IGLL5: variants seen among roughly 807,000 people sequenced by gnomAD.
IGLL5 encodes immunoglobulin lambda-like polypeptide 5.
Under a neutral mutation model 20.9 loss-of-function variants are expected in IGLL5, and 30 were observed. The observed-to-expected ratio is 1.44, with a 90% confidence interval of 1.07 to 1.95. IGLL5 has a LOEUF of 1.95. Among genes scored for constraint, IGLL5 ranks in the 30% most tolerant of loss-of-function variants. IGLL5 has a pLI of 0.00. For synonymous variants in IGLL5, 203 were observed against 117.3 expected (o/e 1.73, Z -4.72); for missense variants, 475 against 270.7 (o/e 1.75, Z -5.30).
Position 22,893,956 on chromosome 22 carries a change from A to C in IGLL5, c.325+138A>C, listed in dbSNP as rs1601622154. ...CCTTACCTTTCTCCATGGGGCCTGG[A>C]GGAGGTGCATTAGTCTCCGGGTAAC... On this transcript the variant is annotated intron_variant, in intron 2 of 2. Transcript: ENST00000526893. 7 of 713,482 alleles carry C rather than the reference A, an allele frequency of 9.8e-6. 1 individual carries two copies. The highest frequency in any genetic ancestry group is 4.1e-5 in the Admixed American group (2 of 48,194). 44.2% of individuals were successfully genotyped at this position (713,482 alleles called of 1,614,324 possible). A position where few individuals can be genotyped will look rare whatever the true frequency, so the allele number is the denominator to read the frequency against.
intron 1 of IGLL5, among the ~76,000 whole-genome samples, chr22:22,888,926 T>A (rs2067665262): frequency 1.3e-5 from 2 of 151,234 alleles, no homozygotes; most frequent in East Asian, 2.0e-4. Context: ...TGGCTGGTGA[T>A]GGGTGCCCCC....
chr22:22,890,583 GTGTGTGTGTGTGTGTGTA>G (rs1201070201), intron 1 of IGLL5, among the ~76,000 whole-genome samples: 4 of 144,020 alleles, frequency 2.8e-5, no homozygotes, highest in African/African-American at 1.1e-4. Flanking sequence ...GTGTGTGTGT[GTGTGTGTGTGTGTGTGTA>G]TGTGTACAAA....
chr22:22,888,980 G>T (rs533529274), intron 1 of IGLL5, among the ~76,000 whole-genome samples: 6 of 151,394 alleles, frequency 4.0e-5, no homozygotes, highest in South Asian at 2.1e-4. Flanking sequence ...ACAGGATGAG[G>T]CTGGGAGCTC....
chr22:22,891,328 T>G (rs34157530), intron 1 of IGLL5, among the ~76,000 whole-genome samples: 1 of 151,342 alleles, frequency 6.6e-6, no homozygotes, highest in East Asian at 2.0e-4. Flanking sequence ...ATTTGTTGAA[T>G]ATAAATGCAA....
intron 2 of IGLL5, among the ~76,000 whole-genome samples, chr22:22,894,167 C>G (rs538259765): frequency 1.3e-5 from 2 of 151,494 alleles, no homozygotes; most frequent in African/African-American, 2.4e-5. Flanking sequence ...CTCCTGGGGT[C>G]AAGGACAGAG....
intron 1 of IGLL5, among the ~76,000 whole-genome samples, 190 bp downstream of exon 1, chr22:22,888,449 T>G (rs557386994): frequency 2.0e-5 from 3 of 151,486 alleles, no homozygotes; most frequent in East Asian, 2.0e-4. Context: ...GTTTTTAATA[T>G]CATATTACGA....
Position 22,888,016 on chromosome 22 carries a change from G to T in IGLL5, c.-38G>T. ...CACCGTCCTCCAGGGAGCCCATGCT[G>T]CAAGTCGGGCCAGAGGTGCCCCTGA... On this transcript the variant is annotated 5_prime_UTR_variant, in exon 1 of 3. Transcript: ENST00000526893. The T allele has an allele frequency of 1.3e-6, 2 of 1,515,394 alleles. No homozygotes were observed. The highest frequency in any genetic ancestry group is 2.0e-5 in the Admixed American group (1 of 50,774). The allele number at this position is 1,515,394 out of a possible 1,614,324, so 93.9% of individuals were successfully genotyped here. A position where few individuals can be genotyped will look rare whatever the true frequency, so the allele number is the denominator to read the frequency against.
chr22:22,890,251 C>T (rs2067786890), intron 1 of IGLL5, among the ~76,000 whole-genome samples: 1 of 148,906 alleles, frequency 6.7e-6, no homozygotes, highest in Admixed American at 6.7e-5. Flanking sequence ...CCAGAGATAG[C>T]CACTGTCAGG....
At chr22:22,889,702 C>A (rs2067745965) in intron 1 of IGLL5, among the ~76,000 whole-genome samples, 1 of 151,288 alleles carries the variant, frequency 6.6e-6, no homozygotes, top group Admixed American at 6.6e-5. Context: ...ATCCTCCAGC[C>A]TCAGCCTCCT....
At chr22:22,889,434 T>G (rs73880717) in intron 1 of IGLL5, among the ~76,000 whole-genome samples, 1 of 151,260 alleles carries the variant, frequency 6.6e-6, no homozygotes, top group Admixed American at 6.6e-5. Context: ...TTCTAGGAAT[T>G]TATCCTAAGG....
chr22:22,889,542 A>G (rs540769342), intron 1 of IGLL5, among the ~76,000 whole-genome samples: 6 of 151,292 alleles, frequency 4.0e-5, no homozygotes, highest in South Asian at 2.1e-4. Flanking sequence ...AAAAAATCCA[A>G]ATATCTACCA....
intron 2 of IGLL5, among the ~76,000 whole-genome samples, chr22:22,894,466 G>C (rs5759507): frequency 1.3e-5 from 2 of 151,440 alleles, no homozygotes; most frequent in South Asian, 2.1e-4. Flanking sequence ...ACAGTCACCA[G>C]AAAGGAGACA....
intron 1 of IGLL5, among the ~76,000 whole-genome samples, chr22:22,888,899 C>T (rs530205376): frequency 6.6e-6 from 1 of 151,358 alleles, no homozygotes; most frequent in African/African-American, 2.4e-5. Flanking sequence ...AGGCTGGTCT[C>T]ACAGATCGAG....
At chr22:22,894,038 GAGCTGGGATTGGGCAGGGTCAGGGCT>G in intron 2 of IGLL5, among the ~76,000 whole-genome samples, 1 of 151,524 alleles carries the variant, frequency 6.6e-6, no homozygotes, top group African/African-American at 2.4e-5. Flanking sequence ...CCCGGGGCCT[GAGCTGGGATTGGGCAGGGTCAGGGCT>G]CCTCCTCTCT....
In IGLL5 at chr22:22,893,729, C is replaced by T. The variant is rs754609360; in HGVS notation, c.236C>T (p.Ala79Val). Residue 79 changes from alanine to valine, a missense_variant, in exon 2 of 3, where the codon GCA becomes GTA. Physicochemically the swap from Ala to Val is moderately conservative, Grantham distance 64. Transcript: ENST00000526893. ...CTGCTCCAGCCCAGCCCCCAGAGAGCAGACCCCAGGTGCTGGCCCCGGGGG... is the reference window on the plus strand; with the variant it reads ...CTGCTCCAGCCCAGCCCCCAGAGAGTAGACCCCAGGTGCTGGCCCCGGGGG... ...RLLLQPSPQR[A>V]DPRCWPRGFW... 13 of 1,608,552 alleles carry T rather than the reference C, an allele frequency of 8.1e-6. No homozygotes were observed. The highest frequency in any genetic ancestry group is 1.3e-5 in the African/African-American group (1 of 74,344).
In IGLL5 at chr22:22,895,376, T is replaced by C. The variant is rs1365070799; in HGVS notation, c.327T>C (p.Gly109=). The C allele has an allele frequency of 2.5e-6, 4 of 1,612,610 alleles. No homozygotes were observed. Among genetic ancestry groups the C allele is most frequent in the Middle Eastern group, 1.7e-4 (1 of 5,968 alleles). ...FGTGTKVTVL[G]QPKANPTVTL... ...TCACCCCCTTCCCTGTCCACACAGG[T>C]CAGCCCAAGGCCAACCCCACTGTCA... is the stretch of plus-strand genomic sequence containing the variant. Residue 109 remains glycine, a splice_region_variant and synonymous_variant, in exon 3 of 3, where the codon GGT becomes GGC. Coordinates refer to ENST00000526893, the MANE Select transcript of IGLL5 (RefSeq NM_001178126.2).
chr22:22,895,016 G>T (rs538301719), intron 2 of IGLL5, among the ~76,000 whole-genome samples: 1 of 151,362 alleles, frequency 6.6e-6, no homozygotes, highest in East Asian at 2.0e-4. Flanking sequence ...ATGGAGGGGG[G>T]TATAGGGATG....
At chr22:22,888,739 C>A (rs147912299) in intron 1 of IGLL5, among the ~76,000 whole-genome samples, 1 of 151,282 alleles carries the variant, frequency 6.6e-6, no homozygotes, top group Admixed American at 6.6e-5. Context: ...GTCTGTTCAC[C>A]AACTTGCACA....
chr22:22,888,967 AG>A (rs541421348), intron 1 of IGLL5, among the ~76,000 whole-genome samples: 1 of 151,356 alleles, frequency 6.6e-6, no homozygotes, highest in African/African-American at 2.4e-5. Flanking sequence ...AGGAGAGGAG[AG>A]CACAGGATGA....
Sources: allele counts gnomAD v4.1 joint callset (sites outside exome capture counted in the v4.1 genomes callset), GRCh38; gene constraint gnomAD v4.1.1; transcripts MANE v1.5; gene names NCBI Gene and HGNC (gene_info 2026-07-23, HGNC 2026-07-21).